CDYL: variants seen among roughly 807,000 people sequenced by gnomAD.
CDYL encodes the protein chromodomain Y-like protein.
Under a neutral mutation model 47.3 loss-of-function variants are expected in CDYL, and 8 were observed. The ratio of observed to expected loss-of-function variants is 0.17; its 90% CI spans 0.10 to 0.31. The LOEUF (loss-of-function observed/expected upper bound fraction) is 0.31, where lower values mean the gene tolerates loss of function less well. CDYL is among the 10% of genes least tolerant of loss of function. The pLI is 1.00. For missense variants in CDYL, 471 were observed against 701.4 expected (o/e 0.67, Z 3.71); for synonymous variants, 266 against 265.0 (o/e 1.00, Z -0.04).
intron 3 of CDYL, among the ~76,000 whole-genome samples, chr6:4,745,800 G>A (rs1757885480): frequency 6.6e-6 from 1 of 152,178 alleles, no homozygotes; most frequent in Admixed American, 6.5e-5. Flanking sequence ...TGAGGCCCAA[G>A]CTGAGGCCTG....
intron 2 of CDYL, among the ~76,000 whole-genome samples, chr6:4,923,228 C>G (rs916333683): frequency 1.3e-5 from 2 of 152,166 alleles, no homozygotes; most frequent in Non-Finnish European, 2.9e-5. Flanking sequence ...CTTCTCCCCC[C>G]ACCCACTACT....
chr6:4,769,297 ATAAATC>A (rs1758301868), intron 3 of CDYL, among the ~76,000 whole-genome samples: 1 of 152,232 alleles, frequency 6.6e-6, no homozygotes, highest in Non-Finnish European at 1.5e-5. Flanking sequence ...CAATTTTTCT[ATAAATC>A]TAAATCTGTT....
At chr6:4,723,109 T>C (rs1201367391) in intron 2 of CDYL, among the ~76,000 whole-genome samples, 2 of 152,042 alleles carry the variant, frequency 1.3e-5, no homozygotes, top group African/African-American at 2.4e-5. Flanking sequence ...ATCTAAAATA[T>C]TTGGGGGTAA....
chr6:4,942,749 C>T (rs981572514), intron 4 of CDYL, among the ~76,000 whole-genome samples: 9 of 152,182 alleles, frequency 5.9e-5, no homozygotes, highest in Non-Finnish European at 1.2e-4. Flanking sequence ...AAGCAAATCC[C>T]AAAATAGCAT....
intron 1 of CDYL, among the ~76,000 whole-genome samples, chr6:4,858,546 G>A (rs375659891): frequency 1.9e-4 from 29 of 152,330 alleles, no homozygotes; most frequent in African/African-American, 6.0e-4. Flanking sequence ...CCCCAGCCAC[G>A]GGATCGAGCG....
At chr6:4,754,663 T>G (rs1335379389) in intron 3 of CDYL, among the ~76,000 whole-genome samples, 2 of 152,222 alleles carry the variant, frequency 1.3e-5, no homozygotes, top group Non-Finnish European at 2.9e-5. Flanking sequence ...TGCCATTAGA[T>G]TATCTTTATA....
At chr6:4,724,249 A>G (rs946858407) in intron 2 of CDYL, among the ~76,000 whole-genome samples, 2 of 151,594 alleles carry the variant, frequency 1.3e-5, no homozygotes, top group African/African-American at 2.4e-5. Context: ...GGGTTTCATT[A>G]TATGTTGGCC....
At chr6:4,942,144 G>C (rs1452917430) in intron 4 of CDYL, among the ~76,000 whole-genome samples, 2 of 152,118 alleles carry the variant, frequency 1.3e-5, no homozygotes, top group Non-Finnish European at 2.9e-5. Context: ...AATGCCTCAG[G>C]CTCTCTCATT....
intron 2 of CDYL, among the ~76,000 whole-genome samples, chr6:4,734,554 G>A (rs368518802): frequency 1.3e-5 from 2 of 152,130 alleles, no homozygotes; most frequent in South Asian, 2.1e-4. Context: ...TCTTCATCCC[G>A]CTGGGACGGG....
At chr6:4,815,547 T>C (rs1001699361) in intron 1 of CDYL, among the ~76,000 whole-genome samples, 15 of 152,228 alleles carry the variant, frequency 9.9e-5, no homozygotes, top group African/African-American at 2.9e-4. Context: ...AGTGTATTTG[T>C]TCATACTCAC....
chr6:4,877,593 T>C (rs771917954), intron 1 of CDYL, among the ~76,000 whole-genome samples: 1 of 152,234 alleles, frequency 6.6e-6, no homozygotes, highest in Non-Finnish European at 1.5e-5. Context: ...CAAATAGATT[T>C]CTTGGGGATC....
rs372996346 is a variant in CDYL, at chr6:4,782,128, C to T, written c.24+5321C>T. 2.8e-4 allele frequency among the ~76,000 whole-genome samples: 43 copies of T among 151,708 alleles called. 1 individual carries two copies. The South Asian group carries it at 4.6e-3, about 16-fold the overall frequency. On this transcript the variant is annotated intron_variant, in intron 1 of 6. Transcript: ENST00000397588. ...TCTCGGTGGACCAGACTGGTTCTTT[C>T]TGCAGGCTCCTTGACCACTGCTGGT... is the stretch of plus-strand genomic sequence containing the variant.
At chr6:4,748,283 G>A (rs1252538332) in intron 3 of CDYL, among the ~76,000 whole-genome samples, 1 of 152,046 alleles carries the variant, frequency 6.6e-6, no homozygotes, top group Non-Finnish European at 1.5e-5. Context: ...TGCAGTTGGG[G>A]AGGCCAAAGC....
intron 3 of CDYL, among the ~76,000 whole-genome samples, chr6:4,769,607 C>A (rs772999507): frequency 1.6e-4 from 25 of 152,048 alleles, no homozygotes; most frequent in Non-Finnish European, 2.9e-4. Flanking sequence ...TTTAAAATAT[C>A]AAATTATTTG....
At chr6:4,718,788 G>A (rs77670003) in intron 2 of CDYL, among the ~76,000 whole-genome samples, 169 of 151,848 alleles carry the variant, frequency 1.1e-3, no homozygotes, top group African/African-American at 3.7e-3. Flanking sequence ...TTTTTCACTC[G>A]ATTATGTATC....
intron 2 of CDYL, among the ~76,000 whole-genome samples, chr6:4,931,053 C>T (rs1758021252): frequency 6.6e-6 from 1 of 152,180 alleles, no homozygotes; most frequent in South Asian, 2.1e-4. Context: ...CCATCCCTGG[C>T]TTGGGTTGAG....
intron 2 of CDYL, among the ~76,000 whole-genome samples, chr6:4,909,318 G>C (rs557253963): frequency 6.6e-6 from 1 of 152,154 alleles, no homozygotes; most frequent in Non-Finnish European, 1.5e-5. Context: ...TCCGGCGTCC[G>C]TAAGTGCTAC....
chr6:4,786,912 G>T (rs898463864), intron 1 of CDYL, among the ~76,000 whole-genome samples: 1 of 152,092 alleles, frequency 6.6e-6, no homozygotes. Context: ...CAGGTCCCTC[G>T]AGTTGAGGCT....
chr6:4,746,693 T>C (rs941561523), intron 3 of CDYL, among the ~76,000 whole-genome samples: 1 of 152,040 alleles, frequency 6.6e-6, no homozygotes, highest in African/African-American at 2.4e-5. Context: ...GGAAACAGGT[T>C]CAAATCAAAT....
Sources: allele counts gnomAD v4.1 joint callset (sites outside exome capture counted in the v4.1 genomes callset), GRCh38; gene constraint gnomAD v4.1.1; transcripts MANE v1.5; gene names NCBI Gene and HGNC (gene_info 2026-07-23, HGNC 2026-07-21).